The following LRMDA variants were observed in gnomAD, a reference collection of about 807,000 sequenced individuals.
LRMDA encodes leucine-rich melanocyte differentiation-associated protein.
LRMDA carries 18 observed loss-of-function variants against 29.8 expected under a neutral mutation model. That is an observed-to-expected ratio of 0.60 (90% confidence interval 0.42 to 0.90). The LOEUF (loss-of-function observed/expected upper bound fraction) is 0.90. Ranked by LOEUF, LRMDA falls within the 40% of genes least tolerant of loss-of-function variation. The pLI is 0.00. For missense variants in LRMDA, 273 were observed against 273.9 expected, an observed-to-expected ratio of 1.00 and a Z score of 0.02; for synonymous variants, 125 against 109.4, an observed-to-expected ratio of 1.14 and a Z score of -0.89.
At chr10:76,067,782 C>T (rs562500930) in intron 5 of LRMDA, among the ~76,000 whole-genome samples, 156 of 152,308 alleles carry the variant, frequency 1.0e-3, no homozygotes, top group African/African-American at 3.2e-3. Context: ...CAATGACTGA[C>T]GTATGAGTAA....
chr10:76,078,297 C>T (rs949360689), intron 5 of LRMDA, among the ~76,000 whole-genome samples: 5 of 151,942 alleles, frequency 3.3e-5, no homozygotes, highest in East Asian at 3.9e-4. Context: ...ACATGAGCCA[C>T]GGCTCCCGGC....
At chr10:76,359,493 G>A (rs1841283698) in intron 6 of LRMDA, among the ~76,000 whole-genome samples, 2 of 152,192 alleles carry the variant, frequency 1.3e-5, no homozygotes, top group Admixed American at 6.5e-5. Context: ...ATCCAAGTCT[G>A]TATCTTGAAT....
At chr10:75,737,694 G>GAACA (rs1842782854) in intron 2 of LRMDA, among the ~76,000 whole-genome samples, 1 of 152,172 alleles carries the variant, frequency 6.6e-6, no homozygotes, top group Non-Finnish European at 1.5e-5. Flanking sequence ...AGCCTAAGTT[G>GAACA]GCTAGCTGTT....
At chr10:75,862,727 G>A (rs11001525) in intron 2 of LRMDA, among the ~76,000 whole-genome samples, 12,061 of 152,166 alleles carry the variant, frequency 0.079, 960 homozygotes, top group East Asian at 0.31. Flanking sequence ...AAATGAGCTG[G>A]AAGTTCCAGA....
chr10:75,640,577 C>T (rs1477719150), intron 2 of LRMDA, among the ~76,000 whole-genome samples: 1 of 152,150 alleles, frequency 6.6e-6, no homozygotes, highest in Non-Finnish European at 1.5e-5. Context: ...TGCATTGTTG[C>T]CATACCAAAG....
At chr10:75,619,305 C>T (rs1050192091) in intron 2 of LRMDA, among the ~76,000 whole-genome samples, 2 of 151,958 alleles carry the variant, frequency 1.3e-5, no homozygotes, top group Non-Finnish European at 2.9e-5. Flanking sequence ...ATGTCTATAC[C>T]CCCTATCCTG....
chr10:75,997,572 A>G lies in LRMDA; in HGVS notation c.132-38436A>G, dbSNP rs77160510. 1.8e-3 allele frequency among the ~76,000 whole-genome samples: 276 copies of G among 151,844 alleles called. 1 individual carries two copies. Among genetic ancestry groups the G allele is most frequent in the African/African-American group, 6.4e-3 (265 of 41,360 alleles). ...TTCTGTCTAGTTTTCGAGGACTATT[A>G]TGTAAAGTGATAGAAAGTCAGGGAT... On this transcript the variant is annotated intron_variant, in intron 2 of 6. Transcript: ENST00000611255.
At chr10:76,508,434 C>G (rs990864993) in intron 6 of LRMDA, among the ~76,000 whole-genome samples, 4 of 152,124 alleles carry the variant, frequency 2.6e-5, no homozygotes, top group African/African-American at 7.2e-5. Context: ...AAAGAGTTTA[C>G]CATGCTCTCC....
At chr10:75,911,890 C>A (rs1413638657) in intron 2 of LRMDA, among the ~76,000 whole-genome samples, 8 of 152,192 alleles carry the variant, frequency 5.3e-5, no homozygotes, top group Non-Finnish European at 8.8e-5. Flanking sequence ...CGGTGACCAC[C>A]TATGCCCTGT....
intron 2 of LRMDA, among the ~76,000 whole-genome samples, chr10:75,571,921 T>C (rs1237390172): frequency 2.0e-5 from 3 of 152,172 alleles, no homozygotes; most frequent in Non-Finnish European, 2.9e-5. Flanking sequence ...TCTAGAATAC[T>C]TTATTTTTAA....
intron 5 of LRMDA, among the ~76,000 whole-genome samples, chr10:76,126,412 C>T (rs189049009): frequency 6.6e-6 from 1 of 152,276 alleles, no homozygotes; most frequent in Non-Finnish European, 1.5e-5. Flanking sequence ...TTGCTTTGTT[C>T]AGTGCCCTGT....
chr10:75,558,684 C>T (rs1432735198), intron 2 of LRMDA, among the ~76,000 whole-genome samples: 4 of 148,716 alleles, frequency 2.7e-5, no homozygotes, highest in Admixed American at 6.8e-5. Context: ...CTCCCCACTC[C>T]CCCCACCCCA....
At chr10:76,107,404 C>T (rs1375280450) in intron 5 of LRMDA, among the ~76,000 whole-genome samples, 7 of 152,174 alleles carry the variant, frequency 4.6e-5, no homozygotes, top group African/African-American at 7.2e-5. Context: ...TGCAGAGAGA[C>T]GATGTTCTTG....
At chr10:75,875,208 A>G (rs1845175904) in intron 2 of LRMDA, among the ~76,000 whole-genome samples, 1 of 152,282 alleles carries the variant, frequency 6.6e-6, no homozygotes, top group East Asian at 1.9e-4. Context: ...AGGAGTTACT[A>G]CCTCATCTCT....
chr10:76,207,271 G>A (rs746873898), intron 5 of LRMDA, among the ~76,000 whole-genome samples: 11 of 152,144 alleles, frequency 7.2e-5, no homozygotes, highest in African/African-American at 9.7e-5. Context: ...ACAAGTGACC[G>A]CAGTAGATGC....
At chr10:76,225,409 T>G (rs986856139) in intron 5 of LRMDA, among the ~76,000 whole-genome samples, 10 of 151,536 alleles carry the variant, frequency 6.6e-5, no homozygotes, top group African/African-American at 1.9e-4. Flanking sequence ...AGAGTGAGAC[T>G]CCGTCTCAAA....
intron 2 of LRMDA, among the ~76,000 whole-genome samples, chr10:76,027,074 G>T (rs952043083): frequency 3.9e-5 from 6 of 152,164 alleles, no homozygotes; most frequent in African/African-American, 1.4e-4. Flanking sequence ...CTCTGCTCCT[G>T]GTTAAGCAAC....
At chr10:76,228,845 C>T (rs1053446616) in intron 5 of LRMDA, among the ~76,000 whole-genome samples, 2 of 152,220 alleles carry the variant, frequency 1.3e-5, no homozygotes, top group Non-Finnish European at 2.9e-5. Flanking sequence ...GATAGGCTCC[C>T]ACTAGCTTTA....
intron 2 of LRMDA, among the ~76,000 whole-genome samples, chr10:75,473,630 GT>G (rs1202744994): frequency 6.6e-6 from 1 of 152,208 alleles, no homozygotes; most frequent in African/African-American, 2.4e-5. Context: ...ATGGATGTTT[GT>G]TACCATGATG....
Sources: gnomAD v4.1 joint callset for allele counts (sites outside exome capture counted in the v4.1 genomes callset) on GRCh38, gnomAD v4.1.1 for gene constraint, MANE v1.5 for transcripts, NCBI Gene and HGNC (gene_info 2026-07-23, HGNC 2026-07-21) for gene names.